KALRN: variants seen among roughly 807,000 people sequenced by gnomAD.
KALRN encodes the protein kalirin.
A neutral mutation model predicts 353.7 loss-of-function variants in KALRN; 70 were observed. That is an observed-to-expected ratio of 0.20 (90% CI 0.16 to 0.24). The LOEUF (loss-of-function observed/expected upper bound fraction) is 0.24, where lower values mean the gene tolerates loss of function less well. Among genes scored for constraint, KALRN ranks in the 10% least tolerant of loss-of-function variants. KALRN has a pLI of 1.00. For missense variants in KALRN, 2,791 were observed against 3,756.7 expected (o/e 0.74, Z 6.72); for synonymous variants, 1,391 against 1,434.8 (o/e 0.97, Z 0.69).
At chr3:124,041,621 C>A (rs1014603016) in intron 1 of KALRN, among the ~76,000 whole-genome samples, 1 of 152,158 alleles carries the variant, frequency 6.6e-6, no homozygotes, top group Non-Finnish European at 1.5e-5. Flanking sequence ...TCATGGGGCA[C>A]GTGGCTCGAT....
chr3:124,496,245 G>A, intron 32 of KALRN, 66 bp from the exon 33 acceptor site: 1 of 1,214,166 alleles, frequency 8.2e-7, no homozygotes, highest in Non-Finnish European at 1.2e-6. Context: ...GGAAATCCTT[G>A]TGTGCTCTAA....
chr3:124,590,920 A>T (rs1479506698), intron 34 of KALRN, among the ~76,000 whole-genome samples: 1 of 152,158 alleles, frequency 6.6e-6, no homozygotes, highest in African/African-American at 2.4e-5. Context: ...CAGAACTAGC[A>T]TCCTTTTCTG....
At chr3:124,292,952 A>G (rs1164723353) in intron 5 of KALRN, among the ~76,000 whole-genome samples, 1 of 152,230 alleles carries the variant, frequency 6.6e-6, no homozygotes, top group Non-Finnish European at 1.5e-5. Context: ...TTTCAGACCA[A>G]TGATAAAACT....
chr3:124,153,944 T>C (rs1287477129), intron 1 of KALRN, among the ~76,000 whole-genome samples: 1 of 152,186 alleles, frequency 6.6e-6, no homozygotes, highest in Non-Finnish European at 1.5e-5. Context: ...TCATATCCTT[T>C]GCCCACTTTT....
At chr3:124,537,869 T>C (rs543479992) in intron 33 of KALRN, among the ~76,000 whole-genome samples, 1 of 152,354 alleles carries the variant, frequency 6.6e-6, no homozygotes, top group South Asian at 2.1e-4. Context: ...GCTCACATTC[T>C]ATGACCTCTG....
In KALRN at chr3:124,269,062, G is replaced by A. The variant is rs759964034; in HGVS notation, c.776G>A (p.Arg259His). The A allele has an allele frequency of 1.2e-6, 2 of 1,612,446 alleles. No individual in the cohort carries two copies. The highest frequency in any genetic ancestry group is 1.7e-6 in the Non-Finnish European group (2 of 1,179,410). Residue 259 changes from arginine (R) to histidine (H), a missense_variant, in exon 5 of 60, where the codon CGC (arginine) becomes CAC (histidine). Physicochemically the swap from Arg to His is conservative, Grantham distance 29. Transcript: ENST00000682506. ...REGQRLLQCI[R>H]CSDGFSGRNC... Reference sequence around the variant, plus strand: ...GGGCAGCGGCTGCTGCAGTGCATCCGCTGCAGCGACGGCTTCTCAGGACGC... The same window carrying A: ...GGGCAGCGGCTGCTGCAGTGCATCCACTGCAGCGACGGCTTCTCAGGACGC...
At chr3:124,646,308 C>T (rs2082706702) in intron 37 of KALRN, among the ~76,000 whole-genome samples, 1 of 151,924 alleles carries the variant, frequency 6.6e-6, no homozygotes, top group African/African-American at 2.4e-5. Flanking sequence ...AAATCCTCTC[C>T]TCCCTGGACT....
chr3:124,069,852 G>T (rs1360413035), intron 1 of KALRN, among the ~76,000 whole-genome samples: 4 of 152,134 alleles, frequency 2.6e-5, no homozygotes, highest in African/African-American at 9.7e-5. Flanking sequence ...TTTGACCTAG[G>T]CCTGGAAGGA....
In KALRN at chr3:124,042,953, A is replaced by T. The variant is rs72970952; in HGVS notation, c.73+9140A>T. Among the ~76,000 whole-genome samples the T allele has an allele frequency of 2.6e-5, 4 of 152,124 alleles. No homozygotes were observed. The East Asian group carries it at 5.8e-4, about 22-fold the overall frequency. On this transcript the variant is annotated intron_variant, in intron 1 of 59. Transcript: ENST00000682506. ...CACAGAATTAAGGGCAGAGTGCCAA[A>T]GACAGAATTGTATATACAGGGGTAT... is the stretch of plus-strand genomic sequence containing the variant.
At chr3:124,352,679 G>T (rs1453988921) in intron 10 of KALRN, among the ~76,000 whole-genome samples, 18 of 144,548 alleles carry the variant, frequency 1.2e-4, no homozygotes, top group South Asian at 4.4e-4. Flanking sequence ...TTTTTGTTTT[G>T]TTTTTTTTTT....
chr3:124,323,942 C>T (rs1435087392), intron 6 of KALRN, among the ~76,000 whole-genome samples: 3 of 152,132 alleles, frequency 2.0e-5, no homozygotes, highest in African/African-American at 7.2e-5. Context: ...GCGGTGATCA[C>T]TCTCTGACCT....
At chr3:124,364,769 G>A (rs2149711594) in intron 10 of KALRN, among the ~76,000 whole-genome samples, 1 of 152,250 alleles carries the variant, frequency 6.6e-6, no homozygotes, top group South Asian at 2.1e-4. Context: ...CCACTCATTA[G>A]GGCTTATCCC....
intron 1 of KALRN, among the ~76,000 whole-genome samples, chr3:124,174,800 T>A (rs1385348179): frequency 6.6e-6 from 1 of 152,218 alleles, no homozygotes; most frequent in Non-Finnish European, 1.5e-5. Flanking sequence ...AGGAAAGCTG[T>A]GTCTGTCAGA....
intron 3 of KALRN, among the ~76,000 whole-genome samples, chr3:124,253,307 T>A (rs1340392457): frequency 6.6e-6 from 1 of 152,202 alleles, no homozygotes; most frequent in Non-Finnish European, 1.5e-5. Flanking sequence ...AACCTTTCTT[T>A]CTCCTCAAAT....
intron 5 of KALRN, among the ~76,000 whole-genome samples, chr3:124,275,018 A>G (rs1210961781): frequency 3.3e-5 from 5 of 152,186 alleles, no homozygotes; most frequent in African/African-American, 1.2e-4. Flanking sequence ...ATCACCCCCA[A>G]TTGTGTTACC....
In KALRN at chr3:124,329,843, C is replaced by T; in HGVS notation, c.1285-18C>T. 2 of 1,610,856 alleles carry T rather than the reference C, an allele frequency of 1.2e-6. No individual in the cohort carries two copies. Among genetic ancestry groups the T allele is most frequent in the Non-Finnish European group, 1.7e-6 (2 of 1,178,266 alleles). ...CCCCCAGTGCTCCCCCACTGATCCA[C>T]CCTGCATCTCCTTCCAGTTCCTGTC... On this transcript the variant is annotated intron_variant, in intron 7 of 59. Coordinates refer to ENST00000682506, the MANE Select transcript of KALRN (RefSeq NM_001388419.1).
chr3:124,529,186 C>G (rs1219295569), intron 33 of KALRN, among the ~76,000 whole-genome samples: 1 of 152,154 alleles, frequency 6.6e-6, no homozygotes, highest in Non-Finnish European at 1.5e-5. Flanking sequence ...ATCCCCAGTA[C>G]CTATGCTAGT....
chr3:124,678,369 G>A (rs1156838002), intron 50 of KALRN, 56 bp downstream of exon 50: 34 of 1,583,336 alleles, frequency 2.1e-5, no homozygotes, highest in Non-Finnish European at 2.8e-5. Flanking sequence ...CCACCCTGCA[G>A]CATTCTCACA....
chr3:124,160,215 G>T (rs924801888), intron 1 of KALRN, among the ~76,000 whole-genome samples: 5 of 151,364 alleles, frequency 3.3e-5, no homozygotes, highest in African/African-American at 1.2e-4. Context: ...ACACAGAAAA[G>T]CAGACCATGT....
Sources: allele counts gnomAD v4.1 joint callset (sites outside exome capture counted in the v4.1 genomes callset), GRCh38; gene constraint gnomAD v4.1.1; transcripts MANE v1.5; gene names NCBI Gene and HGNC (gene_info 2026-07-23, HGNC 2026-07-21).